Variants in SEMA6A observed in about 807,000 individuals in gnomAD.
SEMA6A encodes semaphorin 6A.
SEMA6A carries 25 observed loss-of-function variants against 96.8 expected under a neutral mutation model. That is an observed-to-expected ratio of 0.26 (90% CI 0.19 to 0.36). The LOEUF (loss-of-function observed/expected upper bound fraction) is 0.36, where lower values mean the gene tolerates loss of function less well. Ranked by LOEUF, SEMA6A falls within the 10% of genes least tolerant of loss-of-function variation. The pLI is 1.00. For missense variants in SEMA6A, 1,363 were observed against 1,323.1 expected (o/e 1.03, Z -0.47); for synonymous variants, 612 against 518.0 (o/e 1.18, Z -2.46).
intron 13 of SEMA6A, 95 bp from the exon 14 acceptor site, chr5:116,478,249 C>A: frequency 7.1e-7 from 1 of 1,409,176 alleles, no homozygotes; most frequent in South Asian, 1.3e-5. Context: ...AAGGCAATCT[C>A]TTAATCTAAC....
At position 116,500,726 on chromosome 5, in the gene SEMA6A, C is replaced by T. The variant is rs146287742; in HGVS notation, c.218+1484G>A. Reference sequence around the variant, plus strand: ...ATAGAAACGATCTCCAATTCTAGACCGGGCATGGTGGCTCACACCTGTAAT... The same window carrying T: ...ATAGAAACGATCTCCAATTCTAGACTGGGCATGGTGGCTCACACCTGTAAT... On this transcript the variant is annotated intron_variant, in intron 3 of 18. Coordinates refer to ENST00000343348, the MANE Select transcript of SEMA6A (RefSeq NM_020796.5). 5.8e-3 allele frequency among the ~76,000 whole-genome samples: 883 copies of T among 152,170 alleles called. 9 individuals are homozygous for T. The highest frequency in any genetic ancestry group is 0.02 in the African/African-American group (824 of 41,512).
intron 1 of SEMA6A, among the ~76,000 whole-genome samples, chr5:116,523,607 C>T (rs992455753): frequency 3.9e-5 from 6 of 152,250 alleles, no homozygotes; most frequent in African/African-American, 1.4e-4. Context: ...CCACTGCACC[C>T]GGCCTAGACA....
intron 1 of SEMA6A, among the ~76,000 whole-genome samples, chr5:116,561,779 G>A (rs1283276096): frequency 2.0e-5 from 3 of 152,150 alleles, no homozygotes; most frequent in African/African-American, 7.2e-5. Context: ...AACAGGTTTT[G>A]TGTTTTTGAC....
At chr5:116,508,412 C>G (rs1000439138) in intron 1 of SEMA6A, 7 of 152,152 alleles carry the variant, frequency 4.6e-5, no homozygotes, top group African/African-American at 1.7e-4. Flanking sequence ...CATCAATTGC[C>G]ACATCTTACT....
intron 1 of SEMA6A, among the ~76,000 whole-genome samples, chr5:116,572,818 A>C (rs948704822): frequency 1.3e-5 from 2 of 152,144 alleles, no homozygotes; most frequent in African/African-American, 4.8e-5. Context: ...GGCTTCCCTC[A>C]GACTGCACAT....
chr5:116,487,815 G>C (rs1021446611), intron 9 of SEMA6A, among the ~76,000 whole-genome samples: 2 of 152,148 alleles, frequency 1.3e-5, no homozygotes, highest in Admixed American at 1.3e-4. Context: ...AGAGAGCCGA[G>C]ATTGTACCAC....
At chr5:116,472,998 A>G in intron 17 of SEMA6A, 75 bp downstream of exon 17, 1 of 1,534,766 alleles carries the variant, frequency 6.5e-7, no homozygotes. Flanking sequence ...GAACATACTC[A>G]AGAGGATTAA....
chr5:116,477,722 G>A, intron 15 of SEMA6A, 124 bp downstream of exon 15: 1 of 900,852 alleles, frequency 1.1e-6, no homozygotes, highest in Non-Finnish European at 1.8e-6. Flanking sequence ...AAGGCTGACA[G>A]TCCCGTTGCT....
intron 15 of SEMA6A, among the ~76,000 whole-genome samples, chr5:116,477,264 A>G (rs1390842537): frequency 2.0e-5 from 3 of 152,242 alleles, no homozygotes; most frequent in East Asian, 3.9e-4. Context: ...CACCAAAATC[A>G]TAGGCATGGT....
At chr5:116,509,133 T>A (rs192068016) in intron 1 of SEMA6A, among the ~76,000 whole-genome samples, 1 of 152,322 alleles carries the variant, frequency 6.6e-6, no homozygotes, top group Non-Finnish European at 1.5e-5. Context: ...ATGAATACAA[T>A]TTGTGTCTGA....
At chr5:116,479,953 G>C (rs73270774) in intron 12 of SEMA6A, among the ~76,000 whole-genome samples, 169 bp downstream of exon 12, 12,351 of 152,270 alleles carry the variant, frequency 0.081, 948 homozygotes, top group African/African-American at 0.2. Context: ...GGGAATGTGT[G>C]TATAGGGGTT....
chr5:116,479,284 T>A (rs889874956), intron 12 of SEMA6A, among the ~76,000 whole-genome samples: 56 of 152,184 alleles, frequency 3.7e-4, no homozygotes, highest in African/African-American at 1.4e-3. Flanking sequence ...GTGAAGGGCA[T>A]ACCTGGGATA....
intron 1 of SEMA6A, among the ~76,000 whole-genome samples, chr5:116,510,709 C>T (rs1335335927): frequency 6.6e-6 from 1 of 152,118 alleles, no homozygotes; most frequent in East Asian, 1.9e-4. Flanking sequence ...TCCCTCCCTC[C>T]TTCTCTCTCC....
intron 10 of SEMA6A, among the ~76,000 whole-genome samples, chr5:116,486,093 T>A (rs901206453): frequency 6.6e-6 from 1 of 152,218 alleles, no homozygotes; most frequent in South Asian, 2.1e-4. Flanking sequence ...CACTAGAGCC[T>A]TCCAGAGTCA....
In SEMA6A at chr5:116,444,673, A is replaced by G. The variant is rs938307612; in HGVS notation, c.*1940T>C. On this transcript the variant is annotated 3_prime_UTR_variant, in exon 19 of 19. Coordinates refer to ENST00000343348, the MANE Select transcript of SEMA6A (RefSeq NM_020796.5). ...AAACATAATTAACAAAATAAAAAAT[A>G]AAATAAAAAATCCTTTGCCCCAGTC... 2 of 144,768 alleles carry G rather than the reference A, an allele frequency of 1.4e-5. No individual in the cohort carries two copies. The highest frequency in any genetic ancestry group is 2.9e-5 in the Non-Finnish European group (2 of 68,002). 9.0% of individuals were successfully genotyped at this position (144,768 alleles called of 1,614,324 possible).
At chr5:116,465,165 C>T (rs774360871) in intron 18 of SEMA6A, among the ~76,000 whole-genome samples, 2 of 152,006 alleles carry the variant, frequency 1.3e-5, no homozygotes, top group African/African-American at 2.4e-5. Flanking sequence ...ATTAAGGCAC[C>T]GACATCAGGG....
chr5:116,449,221 A>G, intron 18 of SEMA6A: 1 of 668,496 alleles, frequency 1.5e-6, no homozygotes, highest in Non-Finnish European at 2.7e-6. Context: ...GCCTCTGGAG[A>G]GTGAAAGAAC....
At chr5:116,554,209 TTAA>T (rs1397629036) in intron 1 of SEMA6A, among the ~76,000 whole-genome samples, 1 of 152,182 alleles carries the variant, frequency 6.6e-6, no homozygotes, top group Admixed American at 6.5e-5. Flanking sequence ...TCCAATAGTA[TTAA>T]TAATAAGCCA....
intron 1 of SEMA6A, among the ~76,000 whole-genome samples, chr5:116,563,917 G>T (rs1760920394): frequency 6.6e-6 from 1 of 152,220 alleles, no homozygotes; most frequent in Non-Finnish European, 1.5e-5. Context: ...ATATCTGAGG[G>T]GAGGTGGAGA....
Sources: allele counts gnomAD v4.1 joint callset (sites outside exome capture counted in the v4.1 genomes callset), GRCh38; gene constraint gnomAD v4.1.1; transcripts MANE v1.5; gene names NCBI Gene and HGNC (gene_info 2026-07-23, HGNC 2026-07-21).